The following ADGRL2 variants were observed in gnomAD, a reference collection of about 807,000 sequenced individuals.
ADGRL2 encodes the protein adhesion G protein-coupled receptor L2, also known as calcium-independent alpha-latrotoxin receptor 2.
ADGRL2 carries 44 observed loss-of-function variants against 157.4 expected under a neutral mutation model. The observed-to-expected ratio is 0.28, with a 90% CI of 0.22 to 0.36. The LOEUF (loss-of-function observed/expected upper bound fraction) is 0.36, where lower values mean the gene tolerates loss of function less well. Among genes scored for constraint, ADGRL2 ranks in the 10% least tolerant of loss-of-function variants. ADGRL2 has a pLI of 1.00. For synonymous variants in ADGRL2, 585 were observed against 624.7 expected (o/e 0.94, Z 0.95); for missense variants, 1,510 against 1,768.9 (o/e 0.85, Z 2.63).
At chr1:81,532,810 C>T (rs1401429339) in intron 2 of ADGRL2, among the ~76,000 whole-genome samples, 1 of 151,522 alleles carries the variant, frequency 6.6e-6, no homozygotes, top group Non-Finnish European at 1.5e-5. Context: ...GTCCCAGCCA[C>T]TCGGGAGGCA....
chr1:81,407,894 A>C (rs755683938), intron 1 of ADGRL2, among the ~76,000 whole-genome samples: 1 of 152,240 alleles, frequency 6.6e-6, no homozygotes, highest in Non-Finnish European at 1.5e-5. Context: ...TAGAGTTGCC[A>C]AGATCATCTG....
chr1:81,643,179 T>G (rs1277873937), intron 3 of ADGRL2, among the ~76,000 whole-genome samples: 1 of 152,094 alleles, frequency 6.6e-6, no homozygotes, highest in Non-Finnish European at 1.5e-5. Flanking sequence ...ATGTAGAAAA[T>G]CCAAAAGAAC....
intron 2 of ADGRL2, among the ~76,000 whole-genome samples, chr1:81,489,297 C>A (rs2078580068): frequency 6.6e-6 from 1 of 151,220 alleles, no homozygotes; most frequent in Admixed American, 6.6e-5. Flanking sequence ...CTAAAAAAAT[C>A]AAGAGCTGAA....
chr1:81,630,165 G>A (rs528762588), intron 3 of ADGRL2, among the ~76,000 whole-genome samples: 1 of 152,154 alleles, frequency 6.6e-6, no homozygotes, highest in African/African-American at 2.4e-5. Flanking sequence ...TATTGAGAGA[G>A]TGCTGGCAGG....
At chr1:81,696,669 G>A (rs552363405), upstream of ADGRL2, among the ~76,000 whole-genome samples, 19 of 152,156 alleles carry the variant, frequency 1.2e-4, no homozygotes, top group East Asian at 3.7e-3. Context: ...GGAGAATGGC[G>A]TGAACCCGGG....
At chr1:81,407,123 T>G (rs1258020527) in intron 1 of ADGRL2, among the ~76,000 whole-genome samples, 1 of 152,204 alleles carries the variant, frequency 6.6e-6, no homozygotes, top group African/African-American at 2.4e-5. Flanking sequence ...TGCTACCATC[T>G]GTACTTGGTT....
chr1:81,542,789 A>T (rs1557444078), intron 2 of ADGRL2, among the ~76,000 whole-genome samples: 1 of 152,208 alleles, frequency 6.6e-6, no homozygotes. Context: ...TATAAAGGAT[A>T]TTTATAATGC....
At chr1:81,383,052 C>A (rs754982704) in intron 1 of ADGRL2, among the ~76,000 whole-genome samples, 74 of 152,030 alleles carry the variant, frequency 4.9e-4, no homozygotes, top group Admixed American at 5.2e-4. Flanking sequence ...TGGGGATATC[C>A]CAGGGTAGAC....
intron 2 of ADGRL2, among the ~76,000 whole-genome samples, chr1:81,507,283 C>T (rs2078994371): frequency 6.6e-6 from 1 of 151,936 alleles, no homozygotes; most frequent in Non-Finnish European, 1.5e-5. Context: ...CTTTCTCCTG[C>T]ACAGAAGGAG....
chr1:81,822,004 G>A (rs534001892), intron 1 of ADGRL2, among the ~76,000 whole-genome samples: 38 of 140,780 alleles, frequency 2.7e-4, no homozygotes, highest in African/African-American at 8.4e-4. Flanking sequence ...GCAATGCTGT[G>A]TGCATTATAG....
intron 2 of ADGRL2, among the ~76,000 whole-genome samples, chr1:81,524,156 C>A (rs940638340): frequency 1.1e-4 from 17 of 151,634 alleles, no homozygotes; most frequent in African/African-American, 4.1e-4. Flanking sequence ...GTCAGGAGAT[C>A]GAGACCATCC....
At chr1:81,542,982 G>A (rs1557444239) in intron 2 of ADGRL2, among the ~76,000 whole-genome samples, 1 of 150,434 alleles carries the variant, frequency 6.6e-6, no homozygotes. Context: ...AATATACTGG[G>A]TCAAATTTAA....
At chr1:81,877,269 C>G (rs1226290235) in intron 2 of ADGRL2, among the ~76,000 whole-genome samples, 2 of 152,212 alleles carry the variant, frequency 1.3e-5, no homozygotes, top group South Asian at 4.1e-4. Context: ...GTGCTGTGAG[C>G]ATAATCTAGA....
intron 2 of ADGRL2, among the ~76,000 whole-genome samples, chr1:81,570,783 T>A (rs536696954): frequency 1.3e-5 from 2 of 152,300 alleles, no homozygotes; most frequent in East Asian, 3.9e-4. Context: ...GATCTTTAAT[T>A]TTTTTCAGTT....
intron 3 of ADGRL2, among the ~76,000 whole-genome samples, chr1:81,647,542 C>T (rs2082337722): frequency 6.6e-6 from 1 of 152,138 alleles, no homozygotes; most frequent in African/African-American, 2.4e-5. Context: ...ATTTTACATA[C>T]CTACAGGCTA....
chr1:81,853,666 TAAAG>T (rs777936906), intron 2 of ADGRL2, among the ~76,000 whole-genome samples: 5 of 152,182 alleles, frequency 3.3e-5, no homozygotes, highest in Non-Finnish European at 7.4e-5. Flanking sequence ...AAAGTATTAA[TAAAG>T]AAATATTAAA....
chr1:81,505,425 G>A (rs2078951895), intron 2 of ADGRL2, among the ~76,000 whole-genome samples: 1 of 150,932 alleles, frequency 6.6e-6, no homozygotes. Flanking sequence ...AGAGGATGCA[G>A]GGAAAGCACA....
At chr1:81,527,781 C>A (rs1005723914) in intron 2 of ADGRL2, among the ~76,000 whole-genome samples, 6 of 151,918 alleles carry the variant, frequency 3.9e-5, no homozygotes, top group African/African-American at 1.2e-4. Flanking sequence ...AAGAAGATAA[C>A]TTCTGGCCAG....
chr1:81,967,956 A>G, intron 13 of ADGRL2, 70 bp from the exon 14 acceptor site: 1 of 1,237,098 alleles, frequency 8.1e-7, no homozygotes, highest in East Asian at 2.3e-5. Flanking sequence ...CCTTTTATAC[A>G]TATTAAACAA....
Sources: gnomAD v4.1 joint callset for allele counts (sites outside exome capture counted in the v4.1 genomes callset) on GRCh38, gnomAD v4.1.1 for gene constraint, MANE v1.5 for transcripts, NCBI Gene and HGNC (gene_info 2026-07-23, HGNC 2026-07-21) for gene names.